The following MACROD1 variants were observed in gnomAD, a reference collection of about 807,000 sequenced individuals.
MACROD1 encodes ADP-ribose glycohydrolase MACROD1.
Under a neutral mutation model 41.4 loss-of-function variants are expected in MACROD1, and 31 were observed. The observed-to-expected ratio is 0.75, with a 90% CI of 0.56 to 1.01. The LOEUF (loss-of-function observed/expected upper bound fraction) is 1.01. Among genes scored for constraint, MACROD1 ranks in the 50% least tolerant of loss-of-function variants. The pLI, the probability that MACROD1 is intolerant of heterozygous loss-of-function variation, is 0.00. For missense variants in MACROD1, 473 were observed against 460.0 expected, an observed-to-expected ratio of 1.03 and a Z score of -0.26; for synonymous variants, 252 against 203.4, an observed-to-expected ratio of 1.24 and a Z score of -2.03.
At chr11:64,037,934 G>C (rs760863884) in intron 3 of MACROD1, among the ~76,000 whole-genome samples, 1 of 152,332 alleles carries the variant, frequency 6.6e-6, no homozygotes, top group East Asian at 1.9e-4. Context: ...TGCATTTGAC[G>C]CATGTTGTTA....
chr11:64,088,296 C>T (rs1000004213), intron 3 of MACROD1, among the ~76,000 whole-genome samples: 17 of 152,254 alleles, frequency 1.1e-4, no homozygotes, highest in African/African-American at 2.6e-4. Flanking sequence ...GGGGACCTTG[C>T]GTCACTAGGC....
Position 64,091,313 on chromosome 11 carries a change from T to G in MACROD1, c.517+59926A>C, listed in dbSNP as rs975931071. ...TGGATTTCATCACTCACGTAGCTGA[T>G]TTCATCACGTTTCATTTTCTGTCAA... is the stretch of plus-strand genomic sequence containing the variant. On this transcript the variant is annotated intron_variant, in intron 3 of 10. Coordinates refer to ENST00000255681, the MANE Select transcript of MACROD1 (RefSeq NM_014067.4). Among the ~76,000 whole-genome samples, 7 of 152,196 alleles carry G rather than the reference T, an allele frequency of 4.6e-5. 1 individual carries two copies. The East Asian group carries it at 1.4e-3, about 29-fold the overall frequency.
intron 3 of MACROD1, among the ~76,000 whole-genome samples, chr11:64,101,540 A>G (rs751538815): frequency 2.1e-4 from 32 of 152,172 alleles, no homozygotes; most frequent in Admixed American, 1.4e-3. Flanking sequence ...CCCCACCCCC[A>G]TCGGTATAAA....
At chr11:64,087,847 G>A (rs1032658976) in intron 3 of MACROD1, among the ~76,000 whole-genome samples, 2 of 152,254 alleles carry the variant, frequency 1.3e-5, no homozygotes, top group South Asian at 2.1e-4. Context: ...TCTCCTGGGG[G>A]CTGTTTCAGG....
At chr11:64,061,552 T>C (rs181467596) in intron 3 of MACROD1, among the ~76,000 whole-genome samples, 2 of 152,278 alleles carry the variant, frequency 1.3e-5, no homozygotes, top group East Asian at 3.9e-4. Flanking sequence ...CCATTCAGGG[T>C]TCTGAGCACC....
intron 3 of MACROD1, among the ~76,000 whole-genome samples, chr11:64,114,768 T>C (rs1944945453): frequency 1.3e-5 from 2 of 152,086 alleles, no homozygotes; most frequent in East Asian, 1.9e-4. Context: ...AATTGATGGA[T>C]GGATGAATGT....
intron 1 of MACROD1, among the ~76,000 whole-genome samples, chr11:64,165,047 A>G (rs1440402314): frequency 1.3e-5 from 2 of 152,212 alleles, no homozygotes; most frequent in Non-Finnish European, 2.9e-5. Context: ...TCCTGGCATG[A>G]GCAAACTGCT....
At position 64,120,984 on chromosome 11, in the gene MACROD1, T is replaced by C. The variant is rs888430745; in HGVS notation, c.517+30255A>G. Among the ~76,000 whole-genome samples the C allele has an allele frequency of 3.3e-5, 5 of 152,284 alleles. No homozygotes were observed. Among genetic ancestry groups the C allele is most frequent in the African/African-American group, 9.6e-5 (4 of 41,568 alleles). On this transcript the variant is annotated intron_variant, in intron 3 of 10. Transcript: ENST00000255681. This position sits in a 1 kb window ranked among gnomAD's most constrained non-coding sequence, Gnocchi z 4.5. ...TCCCCACCCTAGACAGGTCAGGTCA[T>C]GCCCTTAGTGGCTAGGAAGGCATCT...
At chr11:64,088,509 G>A (rs1012690339) in intron 3 of MACROD1, among the ~76,000 whole-genome samples, 3 of 152,222 alleles carry the variant, frequency 2.0e-5, no homozygotes, top group African/African-American at 7.2e-5. Flanking sequence ...TTCCTCACCA[G>A]GACGGCAGAG....
chr11:64,016,863 C>T (rs573493460), intron 3 of MACROD1, among the ~76,000 whole-genome samples: 7 of 152,338 alleles, frequency 4.6e-5, no homozygotes, highest in East Asian at 1.9e-4. Context: ...GAGCAGGACA[C>T]GGACCACAAT....
intron 3 of MACROD1, among the ~76,000 whole-genome samples, chr11:64,061,913 C>G (rs1943912548): frequency 7.8e-6 from 1 of 127,992 alleles, no homozygotes; most frequent in Non-Finnish European, 1.6e-5. Context: ...CGGAGTCTTG[C>G]TATGTTGCCC....
intron 4 of MACROD1, among the ~76,000 whole-genome samples, chr11:64,012,057 C>T (rs771377332): frequency 1.3e-5 from 2 of 152,180 alleles, no homozygotes; most frequent in Non-Finnish European, 2.9e-5. Flanking sequence ...CAAGTGCTGG[C>T]GGCGGCTCCA....
At chr11:64,085,356 G>A (rs914910540) in intron 3 of MACROD1, among the ~76,000 whole-genome samples, 4 of 152,214 alleles carry the variant, frequency 2.6e-5, no homozygotes, top group Non-Finnish European at 4.4e-5. Flanking sequence ...ACCCCAAATC[G>A]AATTCGTGCT....
At chr11:64,133,511 T>C (rs1426297369) in intron 3 of MACROD1, among the ~76,000 whole-genome samples, 2 of 152,146 alleles carry the variant, frequency 1.3e-5, no homozygotes, top group Non-Finnish European at 2.9e-5. Flanking sequence ...GTTCTCTCCC[T>C]TGATCTCCTC....
chr11:64,087,576 A>C (rs1460843560), intron 3 of MACROD1, among the ~76,000 whole-genome samples: 1 of 152,224 alleles, frequency 6.6e-6, no homozygotes, highest in Non-Finnish European at 1.5e-5. Context: ...TGGTACCAGC[A>C]TCCTGCAGCT....
intron 3 of MACROD1, chr11:64,116,177 C>T (rs971662531): frequency 2.7e-5 from 40 of 1,505,848 alleles, no homozygotes; most frequent in Non-Finnish European, 3.2e-5. Flanking sequence ...GGGTCGCTGT[C>T]GCCGCCTCCC....
intron 3 of MACROD1, among the ~76,000 whole-genome samples, chr11:64,080,981 T>A (rs1373482023): frequency 6.6e-6 from 1 of 152,314 alleles, no homozygotes; most frequent in African/African-American, 2.4e-5. Flanking sequence ...GAAGTCTGTT[T>A]AATGAGGGGA....
chr11:64,089,361 C>T (rs902974170), intron 3 of MACROD1, among the ~76,000 whole-genome samples: 12 of 152,146 alleles, frequency 7.9e-5, no homozygotes, highest in Admixed American at 6.5e-4. Context: ...AAATAGGGCC[C>T]GCAAGTCCCC....
In MACROD1 at chr11:64,165,772, C is replaced by G. The variant is rs761861979; in HGVS notation, c.223G>C (p.Val75Leu). Residue 75 changes from valine (V) to leucine (L), a missense_variant, in exon 1 of 11, where the codon GTG (valine) becomes CTG (leucine). Coordinates refer to ENST00000255681, the MANE Select transcript of MACROD1 (RefSeq NM_014067.4). ...ATGGCCAGGGGGGCCCAAGTGCGCA[C>G]CCCGGCTGTCCGCCCCACCGCCGCC... The part of the protein sequence containing the change: ...GAAAVGRTAG[V>L]RTWAPLAMAA... 14 of 1,496,106 alleles carry G rather than the reference C, an allele frequency of 9.4e-6. No individual in the cohort carries two copies. Among genetic ancestry groups the G allele is most frequent in the Non-Finnish European group, 8.9e-6 (10 of 1,129,152 alleles). 92.7% of individuals were successfully genotyped at this position (1,496,106 alleles called of 1,614,324 possible). A position where few individuals can be genotyped will look rare whatever the true frequency, so the allele number is the denominator to read the frequency against.
Sources: gnomAD v4.1 joint callset for allele counts (sites outside exome capture counted in the v4.1 genomes callset) on GRCh38, gnomAD v4.1.1 for gene constraint, Gnocchi (gnomAD v3.1) non-coding constraint, MANE v1.5 for transcripts, NCBI Gene and HGNC (gene_info 2026-07-23, HGNC 2026-07-21) for gene names.